TRPV3: variants seen among roughly 807,000 people sequenced by gnomAD.
The protein encoded by TRPV3 is VRL-3.
In TRPV3, 88 loss-of-function variants were observed where a neutral mutation model predicts 87.1. That is an observed-to-expected ratio of 1.01 (90% CI 0.85 to 1.21). The LOEUF (loss-of-function observed/expected upper bound fraction) is 1.21, where lower values mean the gene tolerates loss of function less well. Among genes scored for constraint, TRPV3 ranks in the 50% most tolerant of loss-of-function variants. TRPV3 has a pLI of 0.00. For missense variants in TRPV3, 1,054 were observed against 1,030.1 expected (o/e 1.02, Z -0.32); for synonymous variants, 438 against 423.3 (o/e 1.03, Z -0.43).
rs1178395696 is a variant in TRPV3, at chr17:3,554,843, G to C, written c.8C>G (p.Ala3Gly). The change falls in exon 2 of 18, where the codon GCC (alanine) becomes GGC (glycine). Residue 3 changes from alanine to glycine, a missense_variant. Transcript: ENST00000576742. ...GAGAGGCACCATCTCCTTGGGGTGG[G>C]CTTTCATGGCTGGAATACAACCACA... Reference protein sequence around the residue: MKAHPKEMVPLMG... With the variant: MKGHPKEMVPLMG... 6.2e-7 allele frequency: 1 copy of C among 1,608,956 alleles called. No individual in the cohort carries two copies. Among genetic ancestry groups the C allele is most frequent in the Non-Finnish European group, 8.5e-7 (1 of 1,177,914 alleles).
chr17:3,546,392 A>T (rs2074526052), intron 2 of TRPV3, among the ~76,000 whole-genome samples: 1 of 152,050 alleles, frequency 6.6e-6, no homozygotes, highest in Admixed American at 6.6e-5. Flanking sequence ...CAGTGAGCCG[A>T]GATCATGCCA....
In TRPV3 at chr17:3,535,600, T is replaced by C. The variant is rs1262285788; in HGVS notation, c.757A>G (p.Lys253Glu). The change falls in exon 7 of 18, where the codon AAG becomes GAG. Residue 253 changes from lysine to glutamate, a missense_variant. By Grantham distance (56) the Lys-to-Glu change is moderately conservative (BLOSUM62 1). Coordinates refer to ENST00000576742, the MANE Select transcript of TRPV3 (RefSeq NM_145068.4). ...AHAKGAFFNP[K>E]YQHEGFYFGE... ...AAGTAGAAGCCTTCGTGTTGGTACT[T>C]GGGGTTGAAGAAGGCCCCCTTGGCG... 1 of 1,608,752 alleles carries C rather than the reference T, an allele frequency of 6.2e-7. No homozygotes were observed. Among genetic ancestry groups the C allele is most frequent in the Admixed American group, 1.7e-5 (1 of 59,446 alleles).
chr17:3,517,397 C>T (rs1254279246), intron 15 of TRPV3, among the ~76,000 whole-genome samples: 1 of 151,990 alleles, frequency 6.6e-6, no homozygotes, highest in Non-Finnish European at 1.5e-5. Flanking sequence ...GCGGGCGAAT[C>T]GCTTTGAGCT....
At position 3,530,154 on chromosome 17, in the gene TRPV3, C is replaced by T; in HGVS notation, c.1115G>A (p.Ser372Asn). Residue 372 changes from serine (S) to asparagine (N), a missense_variant, in exon 9 of 18, where the codon AGC becomes AAC. By Grantham distance (46) the Ser-to-Asn change is conservative. Coordinates refer to ENST00000576742, the MANE Select transcript of TRPV3 (RefSeq NM_145068.4). The surrounding 1 kb of genome is among the most constrained non-coding windows in gnomAD (Gnocchi z 4.0). ...CCAGTCGGTGAACTTCCTGGACAGG[C>T]TCCGGAGCCGCTTCTCCTTGATCTC... ...SREIKEKRLRSLSRKFTDWAY... is the reference protein window; with the variant it reads ...SREIKEKRLRNLSRKFTDWAY... 1 of 1,614,058 alleles carries T rather than the reference C, an allele frequency of 6.2e-7. No homozygotes were observed. Among genetic ancestry groups the T allele is most frequent in the South Asian group, 1.1e-5 (1 of 91,040 alleles).
intron 6 of TRPV3, among the ~76,000 whole-genome samples, chr17:3,536,583 C>A (rs1300816664): frequency 6.6e-6 from 1 of 151,912 alleles, no homozygotes; most frequent in Non-Finnish European, 1.5e-5. Context: ...AGTGAAACTC[C>A]ATCTCAAAAA....
intron 11 of TRPV3, among the ~76,000 whole-genome samples, chr17:3,527,287 T>G (rs1867379785): frequency 6.6e-6 from 1 of 152,112 alleles, no homozygotes; most frequent in Non-Finnish European, 1.5e-5. Flanking sequence ...GTAATGACCT[T>G]GTCCTCATCG....
chr17:3,543,378 T>C, intron 5 of TRPV3, 96 bp downstream of exon 5: 1 of 1,491,534 alleles, frequency 6.7e-7, no homozygotes, highest in Middle Eastern at 1.9e-4. Flanking sequence ...CCCCTCACAC[T>C]CCAGCCTCAT....
At chr17:3,551,235 G>A (rs754564453) in intron 2 of TRPV3, among the ~76,000 whole-genome samples, 2 of 152,236 alleles carry the variant, frequency 1.3e-5, no homozygotes, top group East Asian at 1.9e-4. Flanking sequence ...AGTGATAAGC[G>A]CAGGGCTGGG....
Position 3,535,703 on chromosome 17 carries a change from C to T in TRPV3, c.654G>A (p.Ala218=). Residue 218 remains alanine, a synonymous_variant, in exon 7 of 18, where the codon GCG becomes GCA. Transcript: ENST00000576742. ...GCCGCCGCTCGATGGCGATGTTCAG[C>T]GCCGTCTGCCCTGCGGAGCGGGCGG... The part of the protein sequence containing the change: ...YTEEAYEGQT[A]LNIAIERRQG... The T allele has an allele frequency of 6.4e-7, 1 of 1,555,790 alleles. No homozygotes were observed. Among genetic ancestry groups the T allele is most frequent in the Non-Finnish European group, 8.7e-7 (1 of 1,153,714 alleles).
intron 13 of TRPV3, among the ~76,000 whole-genome samples, chr17:3,523,672 C>T (rs1008071472): frequency 2.7e-5 from 4 of 149,440 alleles, no homozygotes; most frequent in East Asian, 2.0e-4. Context: ...GAGCCGAGAT[C>T]GCACCACTTT....
At chr17:3,516,173 C>T (rs542803780) in intron 16 of TRPV3, among the ~76,000 whole-genome samples, 5 of 129,106 alleles carry the variant, frequency 3.9e-5, no homozygotes, top group Admixed American at 1.7e-4. Context: ...GCAACAAGAG[C>T]AAAATTCCGT....
intron 15 of TRPV3, among the ~76,000 whole-genome samples, chr17:3,517,252 G>A (rs989803351): frequency 6.9e-6 from 1 of 145,864 alleles, no homozygotes; most frequent in Admixed American, 7.2e-5. Context: ...CCCCCTCCCA[G>A]GCTTGGAATC....
intron 12 of TRPV3, among the ~76,000 whole-genome samples, chr17:3,525,676 G>A (rs2074293680): frequency 6.6e-6 from 1 of 150,516 alleles, no homozygotes; most frequent in Admixed American, 6.6e-5. Context: ...CTGGAGTACA[G>A]TGGCATGATC....
chr17:3,519,464 G>T (rs1033243941), intron 14 of TRPV3, among the ~76,000 whole-genome samples: 6 of 148,624 alleles, frequency 4.0e-5, no homozygotes, highest in Non-Finnish European at 5.9e-5. Context: ...ATGATTAGAT[G>T]GATGGATGGA....
At chr17:3,517,724 A>G (rs72634008) in intron 15 of TRPV3, among the ~76,000 whole-genome samples, 53,727 of 150,988 alleles carry the variant, frequency 0.36, 11,161 homozygotes, top group East Asian at 0.61. Context: ...TCTGCCTTCC[A>G]GGACCACAGA....
intron 12 of TRPV3, among the ~76,000 whole-genome samples, chr17:3,526,483 A>T (rs1039998540): frequency 1.7e-5 from 2 of 121,180 alleles, no homozygotes; most frequent in African/African-American, 9.5e-5. Flanking sequence ...CACCTCAACT[A>T]AAAAAAAAAA....
At chr17:3,519,908 GGA>G (rs1567630955) in intron 14 of TRPV3, among the ~76,000 whole-genome samples, 10 of 68,380 alleles carry the variant, frequency 1.5e-4, no homozygotes, top group Admixed American at 3.8e-4. Context: ...ATGATTAGAT[GGA>G]TGGATGGATG....
At chr17:3,516,634 C>G in intron 15 of TRPV3, 65 bp from the exon 16 acceptor site, 1 of 1,202,674 alleles carries the variant, frequency 8.3e-7, no homozygotes, top group Non-Finnish European at 1.2e-6. Context: ...AGGGCACACA[C>G]ACTGTCGGGG....
chr17:3,539,297 T>TA lies in TRPV3; in HGVS notation c.643+3224dup, dbSNP rs986583611. ...CCACAAAGTATATGGGTAAAGGACT[T>TA]AAAAAAAAAAAAAGTATGTAAAATG... On this transcript the variant is annotated intron_variant, in intron 6 of 17. Transcript: ENST00000576742. Among the ~76,000 whole-genome samples the TA allele has an allele frequency of 3.0e-3, 425 of 143,942 alleles. 3 individuals carry two copies. Among genetic ancestry groups the TA allele is most frequent in the African/African-American group, 8.7e-3 (344 of 39,498 alleles). 94.4% of individuals were successfully genotyped at this position (143,942 alleles called of 152,430 possible).
Sources: gnomAD v4.1 joint callset for allele counts (sites outside exome capture counted in the v4.1 genomes callset) on GRCh38, gnomAD v4.1.1 for gene constraint, Gnocchi (gnomAD v3.1) non-coding constraint, MANE v1.5 for transcripts, NCBI Gene and HGNC (gene_info 2026-07-23, HGNC 2026-07-21) for gene names.